Variants in MYL3 observed in about 807,000 individuals in gnomAD.
MYL3 encodes the protein myosin light chain 3.
Under a neutral mutation model 21.3 loss-of-function variants are expected in MYL3, and 11 were observed. The ratio of observed to expected loss-of-function variants is 0.52; its 90% CI spans 0.32 to 0.85. MYL3 has a LOEUF of 0.85. Among genes scored for constraint, MYL3 ranks in the 40% least tolerant of loss-of-function variants. MYL3 has a pLI of 0.03. For missense variants in MYL3, 206 were observed against 253.3 expected (o/e 0.81, Z 1.27); for synonymous variants, 88 against 91.6 (o/e 0.96, Z 0.22).
intron 1 of MYL3, among the ~76,000 whole-genome samples, chr3:46,881,365 G>A (rs1204285321): frequency 6.6e-6 from 1 of 152,086 alleles, no homozygotes; most frequent in Middle Eastern, 3.2e-3. Flanking sequence ...CAACCCCCGC[G>A]GACTCCTCCT....
At chr3:46,881,452 G>C (rs994364409) in intron 1 of MYL3, among the ~76,000 whole-genome samples, 2 of 152,168 alleles carry the variant, frequency 1.3e-5, no homozygotes, top group Non-Finnish European at 2.9e-5. Flanking sequence ...GGGTGGGAAC[G>C]GGGGAGGGAG....
At chr3:46,865,465 G>A (rs1249203624), upstream of MYL3, among the ~76,000 whole-genome samples, 1 of 152,162 alleles carries the variant, frequency 6.6e-6, no homozygotes, top group Admixed American at 6.5e-5. The surrounding 1 kb of genome is among the most constrained non-coding windows in gnomAD (Gnocchi z 4.3). Flanking sequence ...AACGGGCTCT[G>A]GAAGTCACAC....
At chr3:46,869,831 A>C (rs986605116) in intron 1 of MYL3, among the ~76,000 whole-genome samples, 1 of 152,112 alleles carries the variant, frequency 6.6e-6, no homozygotes, top group Non-Finnish European at 1.5e-5. Context: ...TAGCAGGAGA[A>C]AAAAAAACCC....
intron 1 of MYL3, among the ~76,000 whole-genome samples, chr3:46,881,572 G>A (rs1370999964): frequency 6.6e-6 from 1 of 152,158 alleles, no homozygotes; most frequent in African/African-American, 2.4e-5. Context: ...TGAATGGGTC[G>A]AGACTCGGAG....
upstream of MYL3, among the ~76,000 whole-genome samples, chr3:46,866,061 G>A (rs1052499390): frequency 2.0e-5 from 3 of 146,724 alleles, no homozygotes; most frequent in African/African-American, 7.5e-5. Context: ...CCGAGACCAG[G>A]AGCAAGGCAT....
chr3:46,870,236 A>G, intron 1 of MYL3, among the ~76,000 whole-genome samples: 1 of 151,972 alleles, frequency 6.6e-6, no homozygotes, highest in East Asian at 1.9e-4. Flanking sequence ...ACCCATCCTC[A>G]AGCAGCTCCA....
rs532675284 is a variant in MYL3, at chr3:46,874,936, C to A, written c.-218+7138G>T. ...TGGTGGGGAGGCCTTTCTCCTACCC[C>A]ACTCCCCGCCACCATGCCACCAGGG... is the stretch of plus-strand genomic sequence containing the variant. On this transcript the variant is annotated intron_variant, in intron 1 of 3. Transcript: ENST00000431168. The surrounding 1 kb of genome is among the most constrained non-coding windows in gnomAD (Gnocchi z 4.1). 5.8e-4 allele frequency among the ~76,000 whole-genome samples: 89 copies of A among 152,330 alleles called. No individual in the cohort carries two copies. The highest frequency in any genetic ancestry group is 3.4e-3 in the Middle Eastern group (1 of 294).
At chr3:46,877,377 G>A (rs952272162) in intron 1 of MYL3, among the ~76,000 whole-genome samples, 2 of 152,156 alleles carry the variant, frequency 1.3e-5, no homozygotes, top group African/African-American at 2.4e-5. Context: ...TTCATACCTC[G>A]TGGCAGCCTG....
At position 46,860,892 on chromosome 3, in the gene MYL3, G is replaced by A; in HGVS notation, c.158-67C>T. 6.2e-7 allele frequency: 1 copy of A among 1,614,018 alleles called. No individual in the cohort carries two copies. Among genetic ancestry groups the A allele is most frequent in the Non-Finnish European group, 8.5e-7 (1 of 1,179,968 alleles). On this transcript the variant is annotated intron_variant, in intron 2 of 6. Coordinates refer to ENST00000292327, the MANE Select transcript of MYL3 (RefSeq NM_000258.3). This position sits in a 1 kb window ranked among gnomAD's most constrained non-coding sequence, Gnocchi z 4.6. ...AGCCTACCCCACTCCCCACACCCCT[G>A]GCAGGACCCTCAGACCAGGGAACCC...
chr3:46,870,860 G>A (rs1182176146), intron 1 of MYL3, among the ~76,000 whole-genome samples: 5 of 152,234 alleles, frequency 3.3e-5, no homozygotes, highest in East Asian at 1.9e-4. Context: ...GTGTGCACAC[G>A]TAGCTTCCTG....
At chr3:46,871,686 AG>A (rs2029916517) in intron 1 of MYL3, among the ~76,000 whole-genome samples, 1 of 152,186 alleles carries the variant, frequency 6.6e-6, no homozygotes, top group Non-Finnish European at 1.5e-5. Context: ...GACCAGCACA[AG>A]AACCCCCAAA....
intron 1 of MYL3, among the ~76,000 whole-genome samples, chr3:46,869,380 C>T (rs1702083330): frequency 6.6e-6 from 1 of 152,182 alleles, no homozygotes; most frequent in Admixed American, 6.5e-5. Flanking sequence ...CATGAGCCGG[C>T]CTTGGAGGAG....
At position 46,859,406 on chromosome 3, in the gene MYL3, G is replaced by A. The variant is rs1039491748; in HGVS notation, c.481+69C>T. ...TTCACCAATGGGTCACAGGCCTGGG[G>A]GGCAACAGAGTGGTTTCTCCCAGGA... On this transcript the variant is annotated intron_variant, in intron 4 of 6. Transcript: ENST00000292327. The surrounding 1 kb of genome is among the most constrained non-coding windows in gnomAD (Gnocchi z 4.1). 1.9e-6 allele frequency: 3 copies of A among 1,595,860 alleles called. No individual in the cohort carries two copies. The highest frequency in any genetic ancestry group is 1.3e-5 in the African/African-American group (1 of 74,536).
rs1402842049 is a variant in MYL3, at chr3:46,859,698, A to G, written c.308-50T>C. 1 of 1,601,512 alleles carries G rather than the reference A, an allele frequency of 6.2e-7. No individual in the cohort carries two copies. The highest frequency in any genetic ancestry group is 1.3e-5 in the African/African-American group (1 of 74,536). Reference sequence around the variant, plus strand: ...CAGGGTCTAAGGCTGGGGTGGGCACACCCCTCCCCCATGCCTGATAATGAG... The same window carrying G: ...CAGGGTCTAAGGCTGGGGTGGGCACGCCCCTCCCCCATGCCTGATAATGAG... On this transcript the variant is annotated intron_variant, in intron 3 of 6. Coordinates refer to ENST00000292327, the MANE Select transcript of MYL3 (RefSeq NM_000258.3). This position sits in a 1 kb window ranked among gnomAD's most constrained non-coding sequence, Gnocchi z 4.1.
chr3:46,869,891 C>T (rs919802903), intron 1 of MYL3, among the ~76,000 whole-genome samples: 14 of 152,158 alleles, frequency 9.2e-5, no homozygotes, highest in East Asian at 7.7e-4. Context: ...GTGGATGGAC[C>T]GACTGTCTCA....
intron 1 of MYL3, among the ~76,000 whole-genome samples, chr3:46,873,316 G>C (rs1009810804): frequency 6.6e-6 from 1 of 152,238 alleles, no homozygotes; most frequent in Non-Finnish European, 1.5e-5. Context: ...GGGCAGTGGG[G>C]CCAGGCAGGG....
In MYL3 at chr3:46,863,301, C is replaced by G. The variant is rs1702010923; in HGVS notation, c.90G>C (p.Glu30Asp). Residue 30 changes from glutamate (E) to aspartate (D), a missense_variant, in exon 1 of 7, where the codon GAG (glutamate) becomes GAC (aspartate). Glu to Asp is a conservative substitution (Grantham distance 45). Transcript: ENST00000292327. ...CATCAAACTCGACCTCCTTAGGGCG[C>G]TCAGGCTCAGGGGGAGGTGCGGGAG... is the stretch of plus-strand genomic sequence containing the variant. ...APAPAPPPEP[E>D]RPKEVEFDAS... is the part of the protein sequence containing the mutation. 6.2e-7 allele frequency: 1 copy of G among 1,614,062 alleles called. No homozygotes were observed. Among genetic ancestry groups the G allele is most frequent in the Admixed American group, 1.7e-5 (1 of 60,014 alleles).
chr3:46,863,552 C>G (rs1011722128), upstream of MYL3: 1 of 742,016 alleles, frequency 1.3e-6, no homozygotes, highest in Non-Finnish European at 2.2e-6. Context: ...TATGGCTAGG[C>G]TTAGGGGCTA....
intron 1 of MYL3, among the ~76,000 whole-genome samples, chr3:46,873,783 C>T (rs1230439473): frequency 4.6e-5 from 7 of 152,132 alleles, no homozygotes; most frequent in African/African-American, 1.7e-4. Flanking sequence ...CACTGACCTC[C>T]CCAAAAAGAT....
Sources: allele counts gnomAD v4.1 joint callset (sites outside exome capture counted in the v4.1 genomes callset), GRCh38; gene constraint gnomAD v4.1.1; non-coding constraint Gnocchi (gnomAD v3.1); transcripts MANE v1.5; gene names NCBI Gene and HGNC (gene_info 2026-07-23, HGNC 2026-07-21).